The following TEKT5 variants were observed in gnomAD, a reference collection of about 807,000 sequenced individuals.
The protein encoded by TEKT5 is tektin-5.
In TEKT5, 52 loss-of-function variants were observed where a neutral mutation model predicts 48.7. That is an observed-to-expected ratio of 1.07 (90% CI 0.86 to 1.35). TEKT5 has a LOEUF of 1.35. TEKT5 is among the 40% of genes most tolerant of loss of function. The probability of loss-of-function intolerance (pLI) is 0.00; values close to 1 mark genes in which losing one functional copy is unlikely to be tolerated. For synonymous variants in TEKT5, 318 were observed against 267.6 expected, an observed-to-expected ratio of 1.19 and a Z score of -1.84; for missense variants, 831 against 641.6, an observed-to-expected ratio of 1.30 and a Z score of -3.19.
intron 5 of TEKT5, among the ~76,000 whole-genome samples, chr16:10,664,121 T>C (rs1017805135): frequency 1.1e-4 from 17 of 152,236 alleles, no homozygotes; most frequent in Admixed American, 3.9e-4. Flanking sequence ...TTTTAATTAA[T>C]TGTGTGTTTG....
rs143327846 is a variant in TEKT5 at position 10,682,364 on chromosome 16, G to T, written c.720-228C>A. On this transcript the variant is annotated intron_variant, in intron 3 of 6. Transcript: ENST00000283025. ...TTGTTTCCAGACAGAGTCTCACTCT[G>T]TCACCCAGGTTGGAGTGCAGTGGTG... Among the ~76,000 whole-genome samples the T allele has an allele frequency of 6.3e-3, 953 of 151,756 alleles. 13 individuals are homozygous for T. Among genetic ancestry groups the T allele is most frequent in the African/African-American group, 0.022 (920 of 41,336 alleles).
chr16:10,689,834 C>G, intron 2 of TEKT5, 108 bp downstream of exon 2: 1 of 1,080,024 alleles, frequency 9.3e-7, no homozygotes, highest in Non-Finnish European at 1.4e-6. Context: ...ACTTTCCACA[C>G]AGTGACACGT....
intron 5 of TEKT5, among the ~76,000 whole-genome samples, chr16:10,673,938 C>T (rs1596414272): frequency 6.6e-6 from 1 of 152,062 alleles, no homozygotes; most frequent in South Asian, 2.1e-4. Flanking sequence ...AGCCGTGAAC[C>T]ACCACGCCCG....
intron 6 of TEKT5, among the ~76,000 whole-genome samples, chr16:10,630,816 C>T (rs1053548934): frequency 2.0e-5 from 3 of 151,592 alleles, no homozygotes; most frequent in African/African-American, 2.4e-5. Flanking sequence ...GTCAGGGGTT[C>T]GAGACCAGCC....
chr16:10,667,496 A>G (rs2430634), intron 5 of TEKT5, among the ~76,000 whole-genome samples: 51,929 of 152,104 alleles, frequency 0.34, 10,051 homozygotes, highest in East Asian at 0.54. Flanking sequence ...TCTTCTGTGC[A>G]TCACTTTCCT....
At chr16:10,652,682 G>GACAC (rs1187367332) in intron 5 of TEKT5, among the ~76,000 whole-genome samples, 141 of 7,624 alleles carry the variant, frequency 0.018, 10 homozygotes, top group African/African-American at 0.021. Context: ...TACACAGGCA[G>GACAC]ACACACACAC....
chr16:10,679,651 T>G (rs1898709795), intron 4 of TEKT5, among the ~76,000 whole-genome samples: 1 of 151,764 alleles, frequency 6.6e-6, no homozygotes, highest in Non-Finnish European at 1.5e-5. Context: ...TCCCAGAAAT[T>G]TGGGAGGCCG....
chr16:10,665,415 C>T (rs1384771922), intron 5 of TEKT5, among the ~76,000 whole-genome samples: 4 of 152,176 alleles, frequency 2.6e-5, no homozygotes, highest in Non-Finnish European at 4.4e-5. Flanking sequence ...GAAGTACTAG[C>T]GTTCCTGAGC....
At chr16:10,687,131 T>C (rs1898875674) in intron 3 of TEKT5, among the ~76,000 whole-genome samples, 1 of 152,134 alleles carries the variant, frequency 6.6e-6, no homozygotes, top group Non-Finnish European at 1.5e-5. Context: ...TTTCAGTTCG[T>C]CAGGAGGAAT....
chr16:10,692,408 C>T (rs1898995741), intron 1 of TEKT5, among the ~76,000 whole-genome samples: 2 of 152,178 alleles, frequency 1.3e-5, no homozygotes, highest in Non-Finnish European at 2.9e-5. Context: ...ATCTCTCCTA[C>T]GGAAGCCCCT....
At chr16:10,675,402 G>C (rs990705686) in intron 5 of TEKT5, among the ~76,000 whole-genome samples, 2 of 152,162 alleles carry the variant, frequency 1.3e-5, no homozygotes, top group Non-Finnish European at 2.9e-5. Context: ...CCAGAGGTGT[G>C]AAAAAGCATG....
At chr16:10,681,370 A>ACTCTCTCTCTCTCTCTCTCTCT (rs1458051750) in intron 4 of TEKT5, among the ~76,000 whole-genome samples, 2 of 147,950 alleles carry the variant, frequency 1.4e-5, no homozygotes, top group African/African-American at 5.0e-5. Flanking sequence ...TCCAGATTCC[A>ACTCTCTCTCTCTCTCTCTCTCT]CTCTCTGTCT....
At chr16:10,669,792 GGTT>G (rs1240052220) in intron 5 of TEKT5, among the ~76,000 whole-genome samples, 2 of 152,038 alleles carry the variant, frequency 1.3e-5, no homozygotes, top group Non-Finnish European at 2.9e-5. Context: ...GTAAATGAGG[GGTT>G]GTTTTTCTGG....
Position 10,687,092 on chromosome 16 carries a change from T to C in TEKT5, c.719+2161A>G, listed in dbSNP as rs13331119. ...GTTACCAGAGGCTGGGGGTGGGGTA[T>C]TGGGGAGATGGTGGTCAAAGGGTAC... On this transcript the variant is annotated intron_variant, in intron 3 of 6. Transcript: ENST00000283025. Among the ~76,000 whole-genome samples the C allele has an allele frequency of 4.0e-3, 609 of 152,142 alleles. 5 individuals are homozygous for C. The highest frequency in any genetic ancestry group is 0.014 in the African/African-American group (579 of 41,508).
chr16:10,638,522 C>A (rs767955293), intron 5 of TEKT5, among the ~76,000 whole-genome samples: 1 of 152,224 alleles, frequency 6.6e-6, no homozygotes, highest in Non-Finnish European at 1.5e-5. Flanking sequence ...GCCATGATGG[C>A]CTTCAATGAT....
chr16:10,692,735 C>T (rs371853992), intron 1 of TEKT5: 1 of 152,240 alleles, frequency 6.6e-6, no homozygotes, highest in East Asian at 1.9e-4. Context: ...CTTTGTTCTA[C>T]CCTTGCCTTC....
intron 5 of TEKT5, among the ~76,000 whole-genome samples, chr16:10,673,799 T>C (rs1004616208): frequency 4.6e-5 from 7 of 151,674 alleles, no homozygotes; most frequent in African/African-American, 1.7e-4. Flanking sequence ...TACAGGTGCA[T>C]GCCACTATGC....
chr16:10,673,024 G>C (rs1898575837), intron 5 of TEKT5, among the ~76,000 whole-genome samples: 3 of 152,078 alleles, frequency 2.0e-5, no homozygotes, highest in Admixed American at 2.0e-4. Flanking sequence ...CAAGGAGACT[G>C]AGGCTCAGAG....
intron 5 of TEKT5, among the ~76,000 whole-genome samples, chr16:10,650,124 T>A (rs1446408530): frequency 6.6e-6 from 1 of 152,008 alleles, no homozygotes; most frequent in South Asian, 2.1e-4. Flanking sequence ...CACGCTGGAG[T>A]GCAGTGGCGC....
Sources: allele counts gnomAD v4.1 joint callset (sites outside exome capture counted in the v4.1 genomes callset), GRCh38; gene constraint gnomAD v4.1.1; transcripts MANE v1.5; gene names NCBI Gene and HGNC (gene_info 2026-07-23, HGNC 2026-07-21).